The following RIOK2 variants were observed in gnomAD, a reference collection of about 807,000 sequenced individuals.
The protein encoded by RIOK2 is RIO kinase 2.
RIOK2 carries 46 observed loss-of-function variants against 62.4 expected under a neutral mutation model. The observed-to-expected ratio is 0.74, with a 90% confidence interval of 0.58 to 0.94. The LOEUF (loss-of-function observed/expected upper bound fraction) is 0.94. Among genes scored for constraint, RIOK2 ranks in the 40% least tolerant of loss-of-function variants. The pLI, the probability that RIOK2 is intolerant of heterozygous loss-of-function variation, is 0.00. For synonymous variants in RIOK2, 197 were observed against 216.0 expected (o/e 0.91, Z 0.77); for missense variants, 574 against 658.0 (o/e 0.87, Z 1.40).
At chr5:97,171,073 A>G in intron 6 of RIOK2, 133 bp downstream of exon 6, 1 of 501,072 alleles carries the variant, frequency 2.0e-6, no homozygotes, top group Non-Finnish European at 3.2e-6. Flanking sequence ...AGGCAGGAGC[A>G]TTGCTTGAAC....
At chr5:97,176,829 G>A (rs12186637) in intron 4 of RIOK2, among the ~76,000 whole-genome samples, 12,337 of 152,116 alleles carry the variant, frequency 0.081, 552 homozygotes, top group Non-Finnish European at 0.095. Context: ...ATACATATTT[G>A]TGAGGTAACA....
chr5:97,180,142 G>GTATGTGTATATATA (rs1350504483), intron 1 of RIOK2, among the ~76,000 whole-genome samples: 49 of 96,060 alleles, frequency 5.1e-4, no homozygotes, highest in Admixed American at 1.5e-3. Context: ...ATATATATAT[G>GTATGTGTATATATA]TATATATATA....
chr5:97,180,145 T>TATATGTGTATATAC (rs1554083627), intron 1 of RIOK2, among the ~76,000 whole-genome samples: 1 of 48,888 alleles, frequency 2.0e-5, no homozygotes, highest in African/African-American at 5.0e-5. Context: ...TATATATGTA[T>TATATGTGTATATAC]ATATATATAT....
At chr5:97,173,307 A>AG in intron 4 of RIOK2, 44 bp from the exon 5 acceptor site, 2 of 1,217,710 alleles carry the variant, frequency 1.6e-6, no homozygotes, top group Non-Finnish European at 2.4e-6. Flanking sequence ...ACAGGTCATT[A>AG]CTCTTTAAAG....
chr5:97,176,282 G>T (rs1206990935), intron 4 of RIOK2, among the ~76,000 whole-genome samples: 1 of 152,068 alleles, frequency 6.6e-6, no homozygotes, highest in Non-Finnish European at 1.5e-5. Flanking sequence ...CCTTCTAATT[G>T]TATGTTTGTA....
In RIOK2 at chr5:97,173,204, C is replaced by G; in HGVS notation, c.558G>C (p.Val186=). The change falls in exon 5 of 10, where the codon GTG becomes GTC. Residue 186 remains valine (V), a synonymous_variant. Transcript: ENST00000283109. ...PKPIDYNRHA[V]VMELINGYPL... ...GATAACCATTTATGAGTTCCATGAC[C>G]ACTGCATGACGATTGTAATCAATTG... is the stretch of plus-strand genomic sequence containing the variant. 6.2e-7 allele frequency: 1 copy of G among 1,612,660 alleles called. No individual in the cohort carries two copies.
Position 97,182,781 on chromosome 5 carries a change from G to C in RIOK2, c.66+345C>G, listed in dbSNP as rs953352805. ...GGAAGTCAATATTATCAAATCTCGG[G>C]GGGGGGGGGGGGCTTAAACCTTTCA... On this transcript the variant is annotated intron_variant, in intron 1 of 9. Coordinates refer to ENST00000283109, the MANE Select transcript of RIOK2 (RefSeq NM_018343.3). 4.7e-5 allele frequency: 7 copies of C among 148,226 alleles called. No individual in the cohort carries two copies. In the East Asian group the frequency reaches 4.7e-4, roughly 10 times the overall value. 9.2% of individuals were successfully genotyped at this position (148,226 alleles called of 1,614,324 possible).
chr5:97,169,030 A>G (rs1748923341), intron 6 of RIOK2, among the ~76,000 whole-genome samples, 178 bp from the exon 7 acceptor site: 1 of 152,230 alleles, frequency 6.6e-6, no homozygotes, highest in South Asian at 2.1e-4. Context: ...AAAAACTAAA[A>G]TCCAAGGAAA....
intron 1 of RIOK2, among the ~76,000 whole-genome samples, chr5:97,179,797 C>T (rs1179329352): frequency 3.4e-5 from 3 of 87,968 alleles, no homozygotes; most frequent in African/African-American, 1.4e-4. Flanking sequence ...GAACATCACA[C>T]ACTGGGGCCT....
chr5:97,167,044 G>A, intron 8 of RIOK2: 1 of 435,156 alleles, frequency 2.3e-6, no homozygotes, highest in Non-Finnish European at 3.1e-6. Flanking sequence ...AGTCTCCCAA[G>A]TAGCTGGGAT....
At position 97,173,158 on chromosome 5, in the gene RIOK2, G is replaced by T. The variant is rs573007088; in HGVS notation, c.587+17C>A. ...CATTTATCAGGATTCATGGCTTTAAGAATAATGAATACTTACAGTGGATAA... is the reference window on the plus strand; with the variant it reads ...CATTTATCAGGATTCATGGCTTTAATAATAATGAATACTTACAGTGGATAA... On this transcript the variant is annotated intron_variant, in intron 5 of 9. Transcript: ENST00000283109. The T allele has an allele frequency of 2.5e-5, 39 of 1,532,554 alleles. 1 individual carries two copies. The South Asian group carries it at 4.4e-4, about 17-fold the overall frequency. 94.9% of individuals were successfully genotyped at this position (1,532,554 alleles called of 1,614,324 possible).
intron 8 of RIOK2, 23 bp from the exon 9 acceptor site, chr5:97,165,170 T>G (rs1255602122): frequency 1.6e-6 from 2 of 1,214,924 alleles, no homozygotes; most frequent in East Asian, 2.7e-5. Context: ...AACCCACAAT[T>G]TATCTAGTTA....
chr5:97,164,360 C>T (rs1417944034), intron 9 of RIOK2, among the ~76,000 whole-genome samples: 1 of 151,710 alleles, frequency 6.6e-6, no homozygotes, highest in Non-Finnish European at 1.5e-5. Flanking sequence ...AATTAGCCAG[C>T]CATGGTGGTA....
chr5:97,176,863 T>A, intron 4 of RIOK2: 1 of 384,388 alleles, frequency 2.6e-6, no homozygotes, highest in Non-Finnish European at 4.7e-6. Flanking sequence ...CTTTTGGCTC[T>A]TTCATCTTGT....
intron 5 of RIOK2, among the ~76,000 whole-genome samples, chr5:97,171,758 T>C (rs1749016361): frequency 6.6e-6 from 1 of 152,138 alleles, no homozygotes; most frequent in South Asian, 2.1e-4. Flanking sequence ...TATCACAAAA[T>C]TGAAAAATTA....
intron 1 of RIOK2, 164 bp downstream of exon 1, chr5:97,182,962 C>G (rs1012955049): frequency 8.8e-6 from 7 of 799,420 alleles, no homozygotes; most frequent in Non-Finnish European, 1.6e-5. Context: ...CAAACAAAAC[C>G]TTTTTAAAAA....
At chr5:97,172,185 G>A (rs1426894815) in intron 5 of RIOK2, among the ~76,000 whole-genome samples, 1 of 151,946 alleles carries the variant, frequency 6.6e-6, no homozygotes, top group African/African-American at 2.4e-5. Context: ...TCTCATCTAG[G>A]TTAATGGTTT....
intron 8 of RIOK2, chr5:97,166,243 A>T (rs974472817): frequency 6.7e-6 from 3 of 449,940 alleles, no homozygotes; most frequent in African/African-American, 6.0e-5. Context: ...TCTTTGAAGA[A>T]TCCAGTCTAA....
rs746105936 is a variant in RIOK2 at position 97,168,817 on chromosome 5, A to C, written c.815T>G (p.Phe272Cys). 1 of 1,603,058 alleles carries C rather than the reference A, an allele frequency of 6.2e-7. No individual in the cohort carries two copies. Among genetic ancestry groups the C allele is most frequent in the Admixed American group, 1.8e-5 (1 of 57,006 alleles). ...FDRDVKCIKD[F>C]FMKRFSYESE... ...TTCGTAGCTGAAACGTTTCATAAAG[A>C]AATCTTTAATGCATTTAACATCTCT... is the stretch of plus-strand genomic sequence containing the variant. Residue 272 changes from phenylalanine (F) to cysteine (C), a missense_variant, in exon 7 of 10, where the codon TTC becomes TGC. Coordinates refer to ENST00000283109, the MANE Select transcript of RIOK2 (RefSeq NM_018343.3).
Sources: allele counts gnomAD v4.1 joint callset (sites outside exome capture counted in the v4.1 genomes callset), GRCh38; gene constraint gnomAD v4.1.1; transcripts MANE v1.5; gene names NCBI Gene and HGNC (gene_info 2026-07-23, HGNC 2026-07-21).